CORO7: variants seen among roughly 807,000 people sequenced by gnomAD.
CORO7 encodes coronin 7.
Under a neutral mutation model 126.6 loss-of-function variants are expected in CORO7, and 107 were observed. That is an observed-to-expected ratio of 0.85 (90% CI 0.72 to 0.99). The LOEUF (loss-of-function observed/expected upper bound fraction) is 0.99, where lower values mean the gene tolerates loss of function less well. CORO7 is among the 50% of genes least tolerant of loss of function. The pLI, the probability that CORO7 is intolerant of heterozygous loss-of-function variation, is 0.00. For missense variants in CORO7, 1,314 were observed against 1,255.8 expected (o/e 1.05, Z -0.70); for synonymous variants, 603 against 536.8 (o/e 1.12, Z -1.70).
Position 4,382,781 on chromosome 16 carries a change from C to T in CORO7, c.785+5205G>A, listed in dbSNP as rs766809185. 44 of 1,577,538 alleles carry T rather than the reference C, an allele frequency of 2.8e-5. No individual in the cohort carries two copies. In the Admixed American group the frequency reaches 4.5e-4, roughly 16 times the overall value. On this transcript the variant is annotated intron_variant, in intron 9 of 27. Coordinates refer to ENST00000251166, the MANE Select transcript of CORO7 (RefSeq NM_024535.5). Reference sequence around the variant, plus strand: ...GTGAAGGTCCCCTTGGAGCCAGGCCCGAAGGCAACAGAGGGCGGTGGAGAG... The same window carrying T: ...GTGAAGGTCCCCTTGGAGCCAGGCCTGAAGGCAACAGAGGGCGGTGGAGAG...
intron 9 of CORO7, among the ~76,000 whole-genome samples, chr16:4,371,533 G>C (rs1567261417): frequency 6.6e-6 from 1 of 152,204 alleles, no homozygotes; most frequent in Non-Finnish European, 1.5e-5. Context: ...TGGACTTCTG[G>C]CATTTGTCAC....
chr16:4,381,296 A>G (rs1456979279), intron 9 of CORO7: 1 of 1,612,424 alleles, frequency 6.2e-7, no homozygotes, highest in Non-Finnish European at 8.5e-7. Flanking sequence ...CGCCACATCC[A>G]GCCTGGTGCC....
rs753922458 is a variant in CORO7, at chr16:4,365,053, C to T, written c.848G>A (p.Arg283Lys). Residue 283 changes from arginine (R) to lysine (K), a missense_variant, in exon 11 of 28, where the codon AGG becomes AAG. Coordinates refer to ENST00000251166, the MANE Select transcript of CORO7 (RefSeq NM_024535.5). ...GLLVLAGKGERQLYCYEVVPQ... is the reference protein window; with the variant it reads ...GLLVLAGKGEKQLYCYEVVPQ... ...GACCACCTCGTAACAGTACAGCTGC[C>T]TCTCGCCCTGAAATGAGTCTGAACT... is the stretch of plus-strand genomic sequence containing the variant. 23 of 1,600,722 alleles carry T rather than the reference C, an allele frequency of 1.4e-5. No homozygotes were observed. The highest frequency in any genetic ancestry group is 1.9e-5 in the Non-Finnish European group (22 of 1,173,748).
At chr16:4,374,103 G>T (rs2054628977) in intron 9 of CORO7, among the ~76,000 whole-genome samples, 1 of 151,608 alleles carries the variant, frequency 6.6e-6, no homozygotes, top group Non-Finnish European at 1.5e-5. Flanking sequence ...GTGTGTGTGT[G>T]TGTCTGCAGG....
chr16:4,372,789 C>A (rs768634590), intron 9 of CORO7, among the ~76,000 whole-genome samples: 25 of 152,208 alleles, frequency 1.6e-4, no homozygotes, highest in Admixed American at 3.3e-4. Flanking sequence ...ACACCAGGGT[C>A]ACTGACCGCC....
chr16:4,365,187 C>G lies in CORO7; in HGVS notation c.841-127G>C, dbSNP rs964605665. The G allele has an allele frequency of 1.3e-5, 19 of 1,423,198 alleles. No individual in the cohort carries two copies. In the Admixed American group the frequency reaches 4.0e-4, roughly 30 times the overall value. The allele number at this position is 1,423,198 out of a possible 1,614,324, so 88.2% of individuals were successfully genotyped here. ...AGAACCACAGTGGCTGGAGATGGGG[C>G]TCCCCAACATGCTGGGCGCTGAGCT... On this transcript the variant is annotated intron_variant, in intron 10 of 27. Transcript: ENST00000251166.
At chr16:4,371,315 A>G (rs537274092) in intron 9 of CORO7, among the ~76,000 whole-genome samples, 17 of 152,368 alleles carry the variant, frequency 1.1e-4, no homozygotes, top group Admixed American at 5.9e-4. Context: ...GGCTCTTGAA[A>G]GGGCTTTGTG....
chr16:4,356,274 T>A (rs994230366), intron 26 of CORO7, among the ~76,000 whole-genome samples: 12 of 151,778 alleles, frequency 7.9e-5, no homozygotes, highest in Admixed American at 4.6e-4. Context: ...ATTTAAAAAA[T>A]TTTTTTGTAG....
chr16:4,377,410 C>G (rs1041305939), intron 9 of CORO7, among the ~76,000 whole-genome samples: 1 of 152,116 alleles, frequency 6.6e-6, no homozygotes, highest in Non-Finnish European at 1.5e-5. Context: ...CCCAGCCCCA[C>G]GCACACACCA....
rs762514686 is a variant in CORO7 at position 4,359,580 on chromosome 16, AG to A, written c.2149del (p.Leu717TrpfsTer31). On this transcript the variant is annotated frameshift_variant, in exon 22 of 28. Coordinates refer to ENST00000251166, the MANE Select transcript of CORO7 (RefSeq NM_024535.5). LOFTEE classifies it high-confidence loss of function. ...CAACACTGCCAAGGGTCCGCCGGCC[AG>A]GGCCTCAGCTTCATATAGGAGCAGC... Reference protein sequence around the residue: ...RQLLLYEAEALAGGPLAVLGL... With the variant: ...RQLLLYEAEAXAGGPLAVLGL... The A allele has an allele frequency of 1.8e-5, 29 of 1,611,672 alleles. No homozygotes were observed. The highest frequency in any genetic ancestry group is 2.3e-5 in the Non-Finnish European group (27 of 1,178,914).
At chr16:4,377,301 C>T (rs575530377) in intron 9 of CORO7, among the ~76,000 whole-genome samples, 127 of 145,942 alleles carry the variant, frequency 8.7e-4, no homozygotes, top group African/African-American at 3.1e-3. Flanking sequence ...TCTCACCTCC[C>T]TGCCTGACTA....
At position 4,354,864 on chromosome 16, in the gene CORO7, A is replaced by G. The variant is rs2053922679; in HGVS notation, c.*294T>C. The G allele has an allele frequency of 7.3e-6, 3 of 408,206 alleles. No individual in the cohort carries two copies. Among genetic ancestry groups the G allele is most frequent in the Non-Finnish European group, 1.3e-5 (3 of 230,584 alleles). The allele number at this position is 408,206 out of a possible 1,614,324, so 25.3% of individuals were successfully genotyped here. A position where few individuals can be genotyped will look rare whatever the true frequency, so the allele number is the denominator to read the frequency against. The stretch of plus-strand genomic sequence containing the variant: ...GGTCAGCAGTGAGACCAGGGGAGAC[A>G]GGGTGCCCAGGGCCTGCCCAGGGAC... On this transcript the variant is annotated 3_prime_UTR_variant, in exon 28 of 28. Transcript: ENST00000251166.
chr16:4,375,816 G>A (rs2054703647), intron 9 of CORO7, among the ~76,000 whole-genome samples: 1 of 152,194 alleles, frequency 6.6e-6, no homozygotes, highest in Non-Finnish European at 1.5e-5. Context: ...GCCTGGGGGT[G>A]GGGCCCCAGC....
chr16:4,369,812 G>C (rs2054464025), intron 9 of CORO7, among the ~76,000 whole-genome samples: 1 of 152,136 alleles, frequency 6.6e-6, no homozygotes, highest in Non-Finnish European at 1.5e-5. Context: ...TATCACCCAG[G>C]CTGGAGAGTT....
chr16:4,416,008 G>T, intron 1 of CORO7: 2 of 475,286 alleles, frequency 4.2e-6, no homozygotes, highest in Non-Finnish European at 5.5e-6. Context: ...GGCTCGCCGG[G>T]GCCAGAGGAG....
At chr16:4,361,842 G>A (rs1455445473) in intron 16 of CORO7, 143 bp downstream of exon 16, 24 of 1,338,514 alleles carry the variant, frequency 1.8e-5, no homozygotes, top group Non-Finnish European at 2.5e-5. Flanking sequence ...CCCATGGCAG[G>A]TGGCTGGGAG....
At chr16:4,384,943 C>T in intron 9 of CORO7, among the ~76,000 whole-genome samples, 1 of 151,170 alleles carries the variant, frequency 6.6e-6, no homozygotes, top group Non-Finnish European at 1.5e-5. Flanking sequence ...CAAAGCAAAC[C>T]TGGCCGAGTG....
At position 4,355,132 on chromosome 16, in the gene CORO7, TGAGGTG is replaced by T. The variant is rs1260424009; in HGVS notation, c.*20_*25del. Reference sequence around the variant, plus strand: ...GTGCACTAGGAAGTGGCAGCACAGGTGAGGTGGAGGTGACGGGGGCGCAGGCTAGTC... The same window carrying T: ...GTGCACTAGGAAGTGGCAGCACAGGTGAGGTGACGGGGGCGCAGGCTAGTC... On this transcript the variant is annotated 3_prime_UTR_variant, in exon 28 of 28. Coordinates refer to ENST00000251166, the MANE Select transcript of CORO7 (RefSeq NM_024535.5). The T allele has an allele frequency of 5.4e-6, 8 of 1,486,532 alleles. No homozygotes were observed. The Admixed American group carries it at 1.4e-4, about 26-fold the overall frequency. 92.1% of individuals were successfully genotyped at this position (1,486,532 alleles called of 1,614,324 possible). A position where few individuals can be genotyped will look rare whatever the true frequency, so the allele number is the denominator to read the frequency against.
At chr16:4,385,346 G>A (rs1337518127) in intron 9 of CORO7, among the ~76,000 whole-genome samples, 1 of 152,052 alleles carries the variant, frequency 6.6e-6, no homozygotes, top group South Asian at 2.1e-4. Context: ...TGGGGCTGCC[G>A]GCCACGCGGG....
Sources: gnomAD v4.1 joint callset for allele counts (sites outside exome capture counted in the v4.1 genomes callset) on GRCh38, gnomAD v4.1.1 for gene constraint, MANE v1.5 for transcripts, NCBI Gene and HGNC (gene_info 2026-07-23, HGNC 2026-07-21) for gene names.